Variants in PLA2G15 observed in about 807,000 individuals in gnomAD.
The protein encoded by PLA2G15 is phospholipase A2 group XV.
PLA2G15 carries 20 observed loss-of-function variants against 40.9 expected under a neutral mutation model. That is an observed-to-expected ratio of 0.49 (90% CI 0.34 to 0.71). PLA2G15 has a LOEUF of 0.71. PLA2G15 is among the 30% of genes least tolerant of loss of function. PLA2G15 has a pLI of 0.01. For synonymous variants in PLA2G15, 223 were observed against 228.2 expected, an observed-to-expected ratio of 0.98 and a Z score of 0.21; for missense variants, 471 against 541.9, an observed-to-expected ratio of 0.87 and a Z score of 1.30.
intron 2 of PLA2G15, among the ~76,000 whole-genome samples, chr16:68,250,019 G>C (rs753508862): frequency 1.3e-5 from 2 of 151,674 alleles, no homozygotes; most frequent in African/African-American, 4.8e-5. Flanking sequence ...TCAGAGCCTC[G>C]GCATGGCCCC....
At chr16:68,254,740 G>T in intron 2 of PLA2G15, 179 bp from the exon 3 acceptor site, 1 of 588,914 alleles carries the variant, frequency 1.7e-6, no homozygotes, top group Middle Eastern at 4.8e-4. Context: ...CTCCCTAAGT[G>T]CTGGGATTAC....
In PLA2G15 at chr16:68,255,952, G is replaced by T; in HGVS notation, c.689G>T (p.Trp230Leu). 6.2e-7 allele frequency: 1 copy of T among 1,610,872 alleles called. No individual in the cohort carries two copies. The highest frequency in any genetic ancestry group is 1.1e-5 in the South Asian group (1 of 90,924). The change falls in exon 5 of 6, where the codon TGG becomes TTG. Residue 230 changes from tryptophan (W) to leucine (L), a missense_variant. Trp to Leu is a moderately conservative substitution (Grantham distance 61, BLOSUM62 -2). Transcript: ENST00000219345. This position sits in a 1 kb window ranked among gnomAD's most constrained non-coding sequence, Gnocchi z 5.9. ...IRAFVSLGAP[W>L]GGVAKTLRVL... ...GCCTTCGTGTCACTGGGTGCGCCCT[G>T]GGGGGGCGTGGCCAAGACCCTGCGC...
intron 5 of PLA2G15, chr16:68,258,796 A>T (rs76768715): frequency 4.6e-6 from 1 of 219,110 alleles, no homozygotes. Flanking sequence ...AAAAAAAAAA[A>T]GGAAAAATTT....
In PLA2G15 at chr16:68,259,729, G is replaced by A. The variant is rs897176642; in HGVS notation, c.*72G>A. On this transcript the variant is annotated 3_prime_UTR_variant, in exon 6 of 6. Coordinates refer to ENST00000219345, the MANE Select transcript of PLA2G15 (RefSeq NM_012320.4). The surrounding 1 kb of genome is among the most constrained non-coding windows in gnomAD (Gnocchi z 6.5). Reference sequence around the variant, plus strand: ...GGCCTCTGGGGCTGTCATGGCCCACGCGTTTTGCAAAGTTTGTGACTCACC... The same window carrying A: ...GGCCTCTGGGGCTGTCATGGCCCACACGTTTTGCAAAGTTTGTGACTCACC... The A allele has an allele frequency of 1.0e-5, 15 of 1,471,694 alleles. No homozygotes were observed. The South Asian group carries it at 1.4e-4, about 14-fold the overall frequency. 91.2% of individuals were successfully genotyped at this position (1,471,694 alleles called of 1,614,324 possible).
Position 68,255,286 on chromosome 16 carries a change from C to T in PLA2G15, c.408C>T (p.Ser136=). 6.2e-7 allele frequency: 1 copy of T among 1,611,642 alleles called. No individual in the cohort carries two copies. Residue 136 remains serine (S), a synonymous_variant, in exon 4 of 6, where the codon TCC becomes TCT. Transcript: ENST00000219345. This position sits in a 1 kb window ranked among gnomAD's most constrained non-coding sequence, Gnocchi z 5.9. The part of the protein sequence containing the change: ...FLDPSKSSVG[S]YFHTMVESLV... The stretch of plus-strand genomic sequence containing the variant: ...CCTCTGTATTTCTGTCTACAGGTTC[C>T]TATTTCCACACCATGGTGGAGAGCC...
Position 68,259,094 on chromosome 16 carries a change from C to T in PLA2G15, c.728-52C>T. ...AGGGGCCTGGTGGTGAACATGCTGC[C>T]CAACCAGCTGGCATTCCTAAGCACA... On this transcript the variant is annotated intron_variant, in intron 5 of 5. Transcript: ENST00000219345. The surrounding 1 kb of genome is among the most constrained non-coding windows in gnomAD (Gnocchi z 6.5). 3 of 1,534,754 alleles carry T rather than the reference C, an allele frequency of 2.0e-6. No individual in the cohort carries two copies. Among genetic ancestry groups the T allele is most frequent in the Non-Finnish European group, 2.6e-6 (3 of 1,134,320 alleles).
rs202175010 is a variant in PLA2G15 at position 68,255,959 on chromosome 16, C to T, written c.696C>T (p.Gly232=). 3.5e-5 allele frequency: 57 copies of T among 1,610,990 alleles called. No individual in the cohort carries two copies. Among genetic ancestry groups the T allele is most frequent in the African/African-American group, 1.3e-4 (10 of 74,968 alleles). ...AFVSLGAPWG[G]VAKTLRVLAS... is the part of the protein sequence containing the mutation. ...TGTCACTGGGTGCGCCCTGGGGGGG[C>T]GTGGCCAAGACCCTGCGCGTCCTGG... is the stretch of plus-strand genomic sequence containing the variant. The change falls in exon 5 of 6, where the codon GGC becomes GGT. Residue 232 remains glycine, a synonymous_variant. Transcript: ENST00000219345. This position sits in a 1 kb window ranked among gnomAD's most constrained non-coding sequence, Gnocchi z 5.9.
intron 2 of PLA2G15, among the ~76,000 whole-genome samples, chr16:68,251,172 G>T (rs1055411572): frequency 6.6e-6 from 1 of 151,950 alleles, no homozygotes; most frequent in African/African-American, 2.4e-5. Flanking sequence ...AAATCTGGAG[G>T]CTCAATGAGG....
chr16:68,258,072 C>T (rs2042415570), intron 5 of PLA2G15, among the ~76,000 whole-genome samples: 1 of 152,210 alleles, frequency 6.6e-6, no homozygotes, highest in African/African-American at 2.4e-5. Flanking sequence ...ACCATGGATC[C>T]TGAACAGGCC....
intron 1 of PLA2G15, 24 bp downstream of exon 1, chr16:68,245,577 ATCTGTCGG>A: frequency 1.3e-6 from 2 of 1,557,060 alleles, no homozygotes; most frequent in Non-Finnish European, 1.7e-6. Flanking sequence ...CTCGTGGTGG[ATCTGTCGG>A]TCGGGCGGGA....
intron 1 of PLA2G15, among the ~76,000 whole-genome samples, chr16:68,246,764 T>G (rs1452872146): frequency 6.6e-6 from 1 of 152,148 alleles, no homozygotes; most frequent in Non-Finnish European, 1.5e-5. Context: ...AGTATATAGC[T>G]GGAGCTAAGG....
chr16:68,246,265 C>T (rs1045001980), intron 1 of PLA2G15, among the ~76,000 whole-genome samples: 1 of 152,196 alleles, frequency 6.6e-6, no homozygotes, highest in African/African-American at 2.4e-5. Flanking sequence ...GATCACAACC[C>T]TGGCAACTCT....
At chr16:68,258,644 G>A (rs139720120) in intron 5 of PLA2G15, among the ~76,000 whole-genome samples, 45 of 152,278 alleles carry the variant, frequency 3.0e-4, no homozygotes, top group African/African-American at 1.1e-3. Context: ...TAGCCCAGGC[G>A]TGGTGGGACG....
At position 68,259,692 on chromosome 16, in the gene PLA2G15, G is replaced by T. The variant is rs892665069; in HGVS notation, c.*35G>T. On this transcript the variant is annotated 3_prime_UTR_variant, in exon 6 of 6. Transcript: ENST00000219345. This position sits in a 1 kb window ranked among gnomAD's most constrained non-coding sequence, Gnocchi z 6.5. ...CACAGGACTCCTGTGGCTCGGCCGTGGACCTGCTGTTGGCCTCTGGGGCTG... is the reference window on the plus strand; with the variant it reads ...CACAGGACTCCTGTGGCTCGGCCGTTGACCTGCTGTTGGCCTCTGGGGCTG... The T allele has an allele frequency of 1.9e-6, 3 of 1,589,936 alleles. No homozygotes were observed. The African/African-American group carries it at 4.0e-5, about 21-fold the overall frequency.
At position 68,259,020 on chromosome 16, in the gene PLA2G15, C is replaced by G; in HGVS notation, c.728-126C>G. The G allele has an allele frequency of 1.4e-6, 1 of 723,530 alleles. No individual in the cohort carries two copies. 44.8% of individuals were successfully genotyped at this position (723,530 alleles called of 1,614,324 possible). ...GTCACAGTGATTACAATGATGATAACCGGGTAGAGATGCGGGACTGTGGAC... is the reference window on the plus strand; with the variant it reads ...GTCACAGTGATTACAATGATGATAAGCGGGTAGAGATGCGGGACTGTGGAC... On this transcript the variant is annotated intron_variant, in intron 5 of 5. Coordinates refer to ENST00000219345, the MANE Select transcript of PLA2G15 (RefSeq NM_012320.4). This position sits in a 1 kb window ranked among gnomAD's most constrained non-coding sequence, Gnocchi z 6.5.
rs754896965 is a variant in PLA2G15, at chr16:68,259,576, G to A, written c.1158G>A (p.Glu386=). 1.2e-6 allele frequency: 2 copies of A among 1,613,466 alleles called. No homozygotes were observed. The highest frequency in any genetic ancestry group is 2.2e-5 in the South Asian group (2 of 91,088). The change falls in exon 6 of 6, where the codon GAG becomes GAA. Residue 386 remains glutamate (E), a synonymous_variant. Coordinates refer to ENST00000219345, the MANE Select transcript of PLA2G15 (RefSeq NM_012320.4). This position sits in a 1 kb window ranked among gnomAD's most constrained non-coding sequence, Gnocchi z 6.5. ...SRQEHQVLLQ[E]LPGSEHIEML... ...AGGAGCACCAAGTGTTGCTGCAGGA[G>A]CTGCCAGGCAGCGAGCACATCGAGA...
chr16:68,259,516 G>A lies in PLA2G15; in HGVS notation c.1098G>A (p.Lys366=), dbSNP rs1170936729. 1.9e-6 allele frequency: 3 copies of A among 1,613,246 alleles called. No individual in the cohort carries two copies. Among genetic ancestry groups the A allele is most frequent in the Non-Finnish European group, 2.5e-6 (3 of 1,180,034 alleles). Reference sequence around the variant, plus strand: ...ACGGCGATGGTACTGTGAACTTGAAGAGTGCCCTGCAGTGCCAGGCCTGGC... The same window carrying A: ...ACGGCGATGGTACTGTGAACTTGAAAAGTGCCCTGCAGTGCCAGGCCTGGC... ...FGDGDGTVNL[K]SALQCQAWQS... The change falls in exon 6 of 6, where the codon AAG becomes AAA. Residue 366 remains lysine (K), a synonymous_variant. Transcript: ENST00000219345. The surrounding 1 kb of genome is among the most constrained non-coding windows in gnomAD (Gnocchi z 6.5).
intron 1 of PLA2G15, 106 bp from the exon 2 acceptor site, chr16:68,249,184 C>T: frequency 1.2e-6 from 1 of 841,858 alleles, no homozygotes; most frequent in East Asian, 2.6e-5. Context: ...CACAGGTCTG[C>T]CATATTATCT....
At position 68,247,772 on chromosome 16, in the gene PLA2G15, G is replaced by A. The variant is rs576635634; in HGVS notation, c.128-1518G>A. Among the ~76,000 whole-genome samples, 5 of 152,346 alleles carry A rather than the reference G, an allele frequency of 3.3e-5. No homozygotes were observed. The East Asian group carries it at 5.8e-4, about 18-fold the overall frequency. On this transcript the variant is annotated intron_variant, in intron 1 of 5. Coordinates refer to ENST00000219345, the MANE Select transcript of PLA2G15 (RefSeq NM_012320.4). ...CACGCCCTGTTCAGGGTGGATTTAC[G>A]GTCAGTTCCCAGTGAATGTCCAGGA...
Sources: allele counts gnomAD v4.1 joint callset (sites outside exome capture counted in the v4.1 genomes callset), GRCh38; gene constraint gnomAD v4.1.1; non-coding constraint Gnocchi (gnomAD v3.1); transcripts MANE v1.5; gene names NCBI Gene and HGNC (gene_info 2026-07-23, HGNC 2026-07-21).